Variants in SLC39A14 observed in about 807,000 individuals in gnomAD.
The protein encoded by SLC39A14 is solute carrier family 39 member 14, also known as metal cation symporter ZIP14.
In SLC39A14, 19 loss-of-function variants were observed where a neutral mutation model predicts 45.5. The observed-to-expected ratio is 0.42, with a 90% CI of 0.29 to 0.61. SLC39A14 has a LOEUF of 0.61. SLC39A14 is among the 20% of genes least tolerant of loss of function. SLC39A14 has a pLI of 0.22. For missense variants in SLC39A14, 447 were observed against 616.5 expected (o/e 0.73, Z 2.91); for synonymous variants, 264 against 251.3 (o/e 1.05, Z -0.48).
At chr8:22,386,302 T>C (rs1833789968) in intron 1 of SLC39A14, among the ~76,000 whole-genome samples, 1 of 151,052 alleles carries the variant, frequency 6.6e-6, no homozygotes, top group Admixed American at 6.6e-5. Context: ...AGTTTTGCTC[T>C]GTTGCCCAGG....
chr8:22,417,336 C>T (rs549800953), intron 7 of SLC39A14, among the ~76,000 whole-genome samples: 9 of 152,302 alleles, frequency 5.9e-5, no homozygotes, highest in Admixed American at 1.3e-4. Context: ...GCTGGGTATA[C>T]GGCCAGTTTG....
chr8:22,429,031 G>A (rs1160308704), intron 8 of SLC39A14, among the ~76,000 whole-genome samples: 1 of 152,078 alleles, frequency 6.6e-6, no homozygotes. Context: ...CTAGCACTTT[G>A]GGAGGCCGAG....
chr8:22,387,948 T>C (rs1833873800), intron 1 of SLC39A14, among the ~76,000 whole-genome samples: 3 of 152,108 alleles, frequency 2.0e-5, no homozygotes, highest in Non-Finnish European at 4.4e-5. Context: ...AAATAAAAAA[T>C]TTAGCCGGGT....
At chr8:22,423,044 G>A (rs927266171), downstream of SLC39A14, among the ~76,000 whole-genome samples, 12 of 151,884 alleles carry the variant, frequency 7.9e-5, no homozygotes, top group African/African-American at 2.4e-4. Context: ...GGCTGGTCTC[G>A]AACTCCTGAC....
At chr8:22,406,518 T>G (rs924982218) in intron 2 of SLC39A14, among the ~76,000 whole-genome samples, 9 of 151,938 alleles carry the variant, frequency 5.9e-5, no homozygotes, top group Non-Finnish European at 1.2e-4. Flanking sequence ...ACGGTGAAAC[T>G]CCGTCTCTGC....
In SLC39A14 at chr8:22,409,378, GT is replaced by G. The variant is rs773122000; in HGVS notation, c.457+890del. 2.9e-4 allele frequency among the ~76,000 whole-genome samples: 40 copies of G among 139,818 alleles called. No individual in the cohort carries two copies. The East Asian group carries it at 7.3e-3, about 25-fold the overall frequency. The allele number at this position is 139,818 out of a possible 152,430, so 91.7% of individuals were successfully genotyped here. ...GTTATTTACTTGTATGGCTTTTTTT[GT>G]TTTTTTTGTTTGTTTGTTTTGAGAC... On this transcript the variant is annotated intron_variant, in intron 3 of 8. Coordinates refer to ENST00000381237, the MANE Select transcript of SLC39A14 (RefSeq NM_001128431.4).
chr8:22,384,837 G>A (rs565511387), intron 1 of SLC39A14, among the ~76,000 whole-genome samples: 2 of 151,776 alleles, frequency 1.3e-5, no homozygotes, highest in Non-Finnish European at 1.5e-5. Flanking sequence ...ATCACCTGAG[G>A]TCAGGAGTTT....
At chr8:22,383,103 G>C (rs530422971) in intron 1 of SLC39A14, among the ~76,000 whole-genome samples, 17 of 152,212 alleles carry the variant, frequency 1.1e-4, no homozygotes, top group African/African-American at 3.9e-4. Context: ...GGTGTGGTAT[G>C]GTATGAGCCA....
At chr8:22,424,572 T>G (rs1178140570), downstream of SLC39A14, among the ~76,000 whole-genome samples, 1 of 152,170 alleles carries the variant, frequency 6.6e-6, no homozygotes, top group East Asian at 1.9e-4. Flanking sequence ...CTTTTCTGCC[T>G]ACAGTCCCTC....
chr8:22,370,183 C>T (rs1039415590), intron 1 of SLC39A14, among the ~76,000 whole-genome samples: 5 of 151,924 alleles, frequency 3.3e-5, no homozygotes, highest in African/African-American at 7.3e-5. Flanking sequence ...TGCACATGTG[C>T]GTGTGCGTGT....
chr8:22,424,545 C>T (rs940938372), downstream of SLC39A14, among the ~76,000 whole-genome samples: 3 of 152,188 alleles, frequency 2.0e-5, no homozygotes, highest in Non-Finnish European at 4.4e-5. Context: ...CCCTTCAGCT[C>T]CTGACACCTC....
chr8:22,368,844 C>A (rs1254819312), intron 1 of SLC39A14, among the ~76,000 whole-genome samples: 3 of 152,130 alleles, frequency 2.0e-5, no homozygotes, highest in Non-Finnish European at 4.4e-5. Flanking sequence ...CCTATCCTTA[C>A]CTCTTAAAAC....
At position 22,412,337 on chromosome 8, in the gene SLC39A14, C is replaced by T. The variant is rs973835091; in HGVS notation, c.627+131C>T. On this transcript the variant is annotated intron_variant, in intron 4 of 8. Transcript: ENST00000381237. ...TTGGAAAGCGAAGCTAGAACTTAGG[C>T]GTGAACTAGGAGAGGCAGCCCAGCA... 2.1e-5 allele frequency: 20 copies of T among 969,016 alleles called. No individual in the cohort carries two copies. In the African/African-American group the frequency reaches 2.6e-4, roughly 13 times the overall value. The allele number at this position is 969,016 out of a possible 1,614,324, so 60.0% of individuals were successfully genotyped here.
intron 1 of SLC39A14, among the ~76,000 whole-genome samples, chr8:22,402,983 T>TGTTA (rs541839683): frequency 6.2e-4 from 95 of 152,096 alleles, no homozygotes; most frequent in African/African-American, 2.2e-3. Context: ...TTTGTTTGTT[T>TGTTA]GTTTGTTTAT....
chr8:22,416,850 G>A (rs1835916187), intron 7 of SLC39A14, among the ~76,000 whole-genome samples: 1 of 152,164 alleles, frequency 6.6e-6, no homozygotes, highest in Non-Finnish European at 1.5e-5. Flanking sequence ...ATACAGTGGG[G>A]TTAATAAGAG....
intron 4 of SLC39A14, 68 bp downstream of exon 4, chr8:22,412,274 T>C: frequency 6.7e-7 from 1 of 1,491,352 alleles, no homozygotes; most frequent in Non-Finnish European, 9.1e-7. Context: ...TCCGTTTGGA[T>C]AGAAGGCATA....
chr8:22,404,034 G>A (rs569619327), intron 1 of SLC39A14, among the ~76,000 whole-genome samples: 3 of 152,212 alleles, frequency 2.0e-5, no homozygotes, highest in East Asian at 1.9e-4. Context: ...ATCCACACCC[G>A]TGTGCTCATA....
intron 1 of SLC39A14, among the ~76,000 whole-genome samples, chr8:22,385,261 G>C (rs1196785744): frequency 1.3e-5 from 2 of 152,134 alleles, no homozygotes; most frequent in Non-Finnish European, 2.9e-5. Flanking sequence ...AAAGTGAAAT[G>C]TGTGGCGCCT....
chr8:22,386,617 G>A (rs1480152480), intron 1 of SLC39A14, among the ~76,000 whole-genome samples: 1 of 152,204 alleles, frequency 6.6e-6, no homozygotes, highest in Non-Finnish European at 1.5e-5. Flanking sequence ...CACTTGATAT[G>A]TGCATATGTT....
Sources: allele counts gnomAD v4.1 joint callset (sites outside exome capture counted in the v4.1 genomes callset), GRCh38; gene constraint gnomAD v4.1.1; transcripts MANE v1.5; gene names NCBI Gene and HGNC (gene_info 2026-07-23, HGNC 2026-07-21).